FAM13C: variants seen among roughly 807,000 people sequenced by gnomAD.
FAM13C encodes family with sequence similarity 13 member C, also known as protein FAM13C.
A neutral mutation model predicts 73.2 loss-of-function variants in FAM13C; 37 were observed. The observed-to-expected ratio is 0.51, with a 90% CI of 0.39 to 0.67. The LOEUF is 0.67. Ranked by LOEUF, FAM13C falls within the 30% of genes least tolerant of loss-of-function variation. FAM13C has a pLI of 0.00. For missense variants in FAM13C, 589 were observed against 715.6 expected, an observed-to-expected ratio of 0.82 and a Z score of 2.02; for synonymous variants, 246 against 260.9, an observed-to-expected ratio of 0.94 and a Z score of 0.55.
intron 5 of FAM13C, chr10:59,283,718 G>A (rs910117656): frequency 3.6e-5 from 21 of 583,754 alleles, no homozygotes; most frequent in Non-Finnish European, 5.2e-5. Context: ...AAATCCTAAC[G>A]TATATGGATT....
intron 3 of FAM13C, among the ~76,000 whole-genome samples, chr10:59,333,125 G>A (rs189364927): frequency 3.3e-5 from 5 of 152,094 alleles, no homozygotes; most frequent in Non-Finnish European, 5.9e-5. Flanking sequence ...ACAGGCATAC[G>A]TTACCATGCC....
chr10:59,265,988 C>T (rs1298045442), intron 8 of FAM13C, among the ~76,000 whole-genome samples: 1 of 152,142 alleles, frequency 6.6e-6, no homozygotes, highest in Non-Finnish European at 1.5e-5. Flanking sequence ...AATTGACCTC[C>T]TAAGTGCCAT....
intron 13 of FAM13C, 81 bp downstream of exon 13, chr10:59,251,494 T>G: frequency 8.1e-7 from 1 of 1,235,282 alleles, no homozygotes; most frequent in Non-Finnish European, 1.2e-6. Context: ...AAGTCACCGT[T>G]CCTGCAAAAA....
At chr10:59,361,145 A>G in intron 1 of FAM13C, 1 of 1,263,290 alleles carries the variant, frequency 7.9e-7, no homozygotes, top group Non-Finnish European at 1.0e-6. Flanking sequence ...CAGGTTACCA[A>G]GCAATCTTAT....
At chr10:59,291,115 A>G (rs7096337) in intron 5 of FAM13C, among the ~76,000 whole-genome samples, 23,693 of 152,024 alleles carry the variant, frequency 0.16, 2,052 homozygotes, top group African/African-American at 0.23. Context: ...TACTTGCCCC[A>G]GGGCCAGAAG....
chr10:59,322,582 G>A (rs918555953), intron 4 of FAM13C, among the ~76,000 whole-genome samples: 6 of 152,174 alleles, frequency 3.9e-5, no homozygotes, highest in Admixed American at 1.3e-4. Context: ...AATTGCTAAC[G>A]CCATTTTCCC....
chr10:59,351,114 G>A (rs1304280014), intron 3 of FAM13C, among the ~76,000 whole-genome samples: 2 of 152,060 alleles, frequency 1.3e-5, no homozygotes, highest in Non-Finnish European at 2.9e-5. Context: ...GAGGCAGGTG[G>A]ATCACTTGAG....
intron 9 of FAM13C, 78 bp from the exon 10 acceptor site, chr10:59,262,723 T>G: frequency 2.4e-5 from 28 of 1,184,306 alleles, no homozygotes; most frequent in Non-Finnish European, 3.3e-5. Flanking sequence ...CAGGAATTCC[T>G]TCCCCTGATG....
At chr10:59,336,525 A>T (rs1852747584) in intron 3 of FAM13C, among the ~76,000 whole-genome samples, 1 of 152,144 alleles carries the variant, frequency 6.6e-6, no homozygotes, top group Non-Finnish European at 1.5e-5. Context: ...TCTTCTCTCA[A>T]GCCAAGATTA....
chr10:59,258,012 A>G (rs559000905), intron 10 of FAM13C, among the ~76,000 whole-genome samples: 134 of 152,326 alleles, frequency 8.8e-4, no homozygotes, highest in African/African-American at 3.1e-3. Flanking sequence ...TGTTAATGTC[A>G]ATGCTATCCA....
chr10:59,279,439 T>C (rs1468112784), intron 6 of FAM13C, among the ~76,000 whole-genome samples: 3 of 152,216 alleles, frequency 2.0e-5, no homozygotes, highest in Non-Finnish European at 4.4e-5. Context: ...CTTACCCAAA[T>C]TGAAAGTTCA....
intron 6 of FAM13C, 83 bp from the exon 7 acceptor site, chr10:59,270,192 A>T: frequency 7.7e-7 from 1 of 1,307,106 alleles, no homozygotes; most frequent in Non-Finnish European, 1.1e-6. Context: ...GATCATAAGC[A>T]TTCATTATAA....
intron 4 of FAM13C, among the ~76,000 whole-genome samples, chr10:59,311,191 G>A (rs1162293061): frequency 6.6e-6 from 1 of 152,180 alleles, no homozygotes; most frequent in Non-Finnish European, 1.5e-5. Flanking sequence ...AAGCAGCCAA[G>A]ACCACAGCAA....
chr10:59,345,388 G>C lies in FAM13C; in HGVS notation c.324+6882C>G, dbSNP rs573641827. ...TGTTTTGAATGCAAATTCTGTCTGA[G>C]TACTAGGATTTTCCATTTCTGAGAT... On this transcript the variant is annotated intron_variant, in intron 3 of 13. Coordinates refer to ENST00000618804, the MANE Select transcript of FAM13C (RefSeq NM_198215.4). Among the ~76,000 whole-genome samples, 4 of 152,298 alleles carry C rather than the reference G, an allele frequency of 2.6e-5. No homozygotes were observed. In the South Asian group the frequency reaches 6.2e-4, roughly 24 times the overall value.
chr10:59,262,320 G>A (rs1477670982), intron 10 of FAM13C, 114 bp downstream of exon 10: 11 of 934,288 alleles, frequency 1.2e-5, no homozygotes, highest in Non-Finnish European at 1.8e-5. Flanking sequence ...AAATTTTGGA[G>A]CCAGGCTAAT....
At chr10:59,344,997 G>A (rs1286805419) in intron 3 of FAM13C, among the ~76,000 whole-genome samples, 1 of 152,078 alleles carries the variant, frequency 6.6e-6, no homozygotes, top group Non-Finnish European at 1.5e-5. Context: ...GCCATATAAT[G>A]TTAGAAACTC....
At position 59,352,948 on chromosome 10, in the gene FAM13C, G is replaced by A. The variant is rs192663027; in HGVS notation, c.120-474C>T. The stretch of plus-strand genomic sequence containing the variant: ...ACTCACACCTGTGTTCTTGGTTCAA[G>A]GCACCATGCTTCCTCTTCATTGGCA... On this transcript the variant is annotated intron_variant, in intron 2 of 13. Coordinates refer to ENST00000618804, the MANE Select transcript of FAM13C (RefSeq NM_198215.4). Among the ~76,000 whole-genome samples, 3 of 152,300 alleles carry A rather than the reference G, an allele frequency of 2.0e-5. No homozygotes were observed. In the East Asian group the frequency reaches 5.8e-4, roughly 29 times the overall value.
chr10:59,293,296 T>A (rs181618388), intron 5 of FAM13C, among the ~76,000 whole-genome samples: 2 of 152,008 alleles, frequency 1.3e-5, no homozygotes, highest in African/African-American at 2.4e-5. Flanking sequence ...CTGGATGGTC[T>A]CGATCTCCTG....
intron 11 of FAM13C, among the ~76,000 whole-genome samples, chr10:59,253,351 T>A (rs1841595455): frequency 6.6e-6 from 1 of 152,230 alleles, no homozygotes; most frequent in African/African-American, 2.4e-5. Flanking sequence ...TCCAGCTTAA[T>A]ACTTGTGATA....
Sources: gnomAD v4.1 joint callset for allele counts (sites outside exome capture counted in the v4.1 genomes callset) on GRCh38, gnomAD v4.1.1 for gene constraint, MANE v1.5 for transcripts, NCBI Gene and HGNC (gene_info 2026-07-23, HGNC 2026-07-21) for gene names.